Variants in ACVR1B observed in about 807,000 individuals in gnomAD.
The protein encoded by ACVR1B is activin A receptor type 1B.
In ACVR1B, 15 loss-of-function variants were observed where a neutral mutation model predicts 55.6. That is an observed-to-expected ratio of 0.27 (90% confidence interval 0.18 to 0.42). The LOEUF is 0.42. ACVR1B is among the 10% of genes least tolerant of loss of function. The probability of loss-of-function intolerance (pLI) is 1.00; values close to 1 mark genes in which losing one functional copy is unlikely to be tolerated. For synonymous variants in ACVR1B, 247 were observed against 254.6 expected, an observed-to-expected ratio of 0.97 and a Z score of 0.28; for missense variants, 359 against 670.1, an observed-to-expected ratio of 0.54 and a Z score of 5.13.
intron 1 of ACVR1B, among the ~76,000 whole-genome samples, chr12:51,958,780 C>T (rs1200888178): frequency 6.6e-6 from 1 of 152,210 alleles, no homozygotes; most frequent in East Asian, 1.9e-4. Flanking sequence ...CTAATGCCGC[C>T]GCTGATGTGA....
intron 1 of ACVR1B, among the ~76,000 whole-genome samples, chr12:51,966,859 T>C (rs2120520993): frequency 6.6e-6 from 1 of 152,356 alleles, no homozygotes; most frequent in East Asian, 1.9e-4. Flanking sequence ...ATTTTAGGTA[T>C]GATAATGATA....
At chr12:51,953,520 A>T (rs902481241) in intron 1 of ACVR1B, 1 of 985,070 alleles carries the variant, frequency 1.0e-6, no homozygotes, top group African/African-American at 1.8e-5. Flanking sequence ...GATTTGCATG[A>T]ATAAGGATGT....
At chr12:51,973,237 T>G (rs1941779835) in intron 1 of ACVR1B, among the ~76,000 whole-genome samples, 1 of 152,238 alleles carries the variant, frequency 6.6e-6, no homozygotes, top group African/African-American at 2.4e-5. Context: ...GAAAGGCAAC[T>G]GTGGGTTTGG....
At chr12:51,990,311 GCTT>G (rs1942166578) in intron 7 of ACVR1B, among the ~76,000 whole-genome samples, 1 of 73,494 alleles carries the variant, frequency 1.4e-5, no homozygotes, top group Admixed American at 1.9e-4. Flanking sequence ...CAAATTTAGT[GCTT>G]TTTTTTTTTT....
chr12:51,953,594 T>TAAAA (rs11404836), intron 1 of ACVR1B: 4 of 744,078 alleles, frequency 5.4e-6, no homozygotes, highest in Non-Finnish European at 6.5e-6. Flanking sequence ...TACTGGGTAG[T>TAAAA]AAAAAAAAAA....
At position 51,980,952 on chromosome 12, in the gene ACVR1B, TA is replaced by T. The variant is rs1334570971; in HGVS notation, c.581-16del. The T allele has an allele frequency of 6.4e-7, 1 of 1,570,598 alleles. No individual in the cohort carries two copies. On this transcript the variant is annotated splice_polypyrimidine_tract_variant and intron_variant, in intron 3 of 8. Transcript: ENST00000257963. ...AAATTTGCAATGTCAGGTTTCTTCC[TA>T]TTCTTTGGTTCACAGGGTTACCCCT...
Position 51,994,398 on chromosome 12 carries a change from C to A in ACVR1B, c.*288C>A. On this transcript the variant is annotated 3_prime_UTR_variant, in exon 9 of 9. Transcript: ENST00000257963. This position sits in a 1 kb window ranked among gnomAD's most constrained non-coding sequence, Gnocchi z 4.2. ...GTTGTAGTGGGAAGTCCCGCGAAAC[C>A]CGGTGCATCTGGCACGTGGCCAGGA... 2.8e-6 allele frequency: 1 copy of A among 360,358 alleles called. No individual in the cohort carries two copies. Among genetic ancestry groups the A allele is most frequent in the Non-Finnish European group, 5.1e-6 (1 of 194,852 alleles). The allele number at this position is 360,358 out of a possible 1,614,324, so 22.3% of individuals were successfully genotyped here.
chr12:51,975,638 A>G, intron 2 of ACVR1B, 134 bp downstream of exon 2: 1 of 1,273,788 alleles, frequency 7.9e-7, no homozygotes, highest in East Asian at 2.6e-5. Context: ...GAAGGTGACA[A>G]AGGCTGGGGT....
intron 1 of ACVR1B, among the ~76,000 whole-genome samples, chr12:51,954,705 A>G (rs1941376000): frequency 1.3e-5 from 2 of 152,240 alleles, no homozygotes; most frequent in African/African-American, 4.8e-5. Flanking sequence ...TGAACAAGTA[A>G]CTTAACCTTT....
rs71443237 is a variant in ACVR1B, at chr12:51,977,607, CTTTTTT to C, written c.580+1048_580+1053del. ...TTTTTGTGACAATGGTATTGCATTCCTTTTTTTTTTTTTTTTTTTTTGTTTTAAGAT... is the reference window on the plus strand; with the variant it reads ...TTTTTGTGACAATGGTATTGCATTCCTTTTTTTTTTTTTTTGTTTTAAGAT... On this transcript the variant is annotated intron_variant, in intron 3 of 8. Transcript: ENST00000257963. 8.9e-5 allele frequency among the ~76,000 whole-genome samples: 11 copies of C among 122,982 alleles called. No individual in the cohort carries two copies. The East Asian group carries it at 2.1e-3, about 24-fold the overall frequency. The allele number at this position is 122,982 out of a possible 152,430, so 80.7% of individuals were successfully genotyped here. A position where few individuals can be genotyped will look rare whatever the true frequency, so the allele number is the denominator to read the frequency against.
At position 51,993,973 on chromosome 12, in the gene ACVR1B, G is replaced by T; in HGVS notation, c.1393-12G>T. On this transcript the variant is annotated splice_polypyrimidine_tract_variant and intron_variant, in intron 8 of 8. Coordinates refer to ENST00000257963, the MANE Select transcript of ACVR1B (RefSeq NM_004302.5). ...GCATGACCGAGCTGATGGCTCCTGG[G>T]TCTCTGCACAGGCACTGCGGGTGAT... 1.2e-6 allele frequency: 2 copies of T among 1,613,716 alleles called. No homozygotes were observed. Among genetic ancestry groups the T allele is most frequent in the Non-Finnish European group, 8.5e-7 (1 of 1,179,972 alleles).
At chr12:51,993,108 T>G (rs1942225618) in intron 8 of ACVR1B, among the ~76,000 whole-genome samples, 1 of 152,234 alleles carries the variant, frequency 6.6e-6, no homozygotes. Context: ...AGTGAACACA[T>G]CTGTCACCTC....
intron 8 of ACVR1B, among the ~76,000 whole-genome samples, chr12:51,992,915 G>A (rs898141651): frequency 6.6e-6 from 1 of 152,226 alleles, no homozygotes; most frequent in Non-Finnish European, 1.5e-5. Flanking sequence ...GAGTGTTCAG[G>A]GGAACAGGCT....
intron 3 of ACVR1B, among the ~76,000 whole-genome samples, chr12:51,977,607 C>CTTTT (rs71443237): frequency 1.2e-4 from 15 of 122,976 alleles, no homozygotes; most frequent in East Asian, 2.3e-4. Context: ...TATTGCATTC[C>CTTTT]TTTTTTTTTT....
At chr12:51,957,633 G>A (rs575162408) in intron 1 of ACVR1B, among the ~76,000 whole-genome samples, 7 of 152,016 alleles carry the variant, frequency 4.6e-5, no homozygotes, top group African/African-American at 9.7e-5. Context: ...TCAAATTCCT[G>A]GGCTCAAATT....
At chr12:51,963,607 T>C (rs1157045679) in intron 1 of ACVR1B, among the ~76,000 whole-genome samples, 1 of 152,260 alleles carries the variant, frequency 6.6e-6, no homozygotes, top group East Asian at 1.9e-4. Flanking sequence ...GAGTTTCATC[T>C]ATATTATAGC....
chr12:51,994,317 G>A lies in ACVR1B; in HGVS notation c.*207G>A. On this transcript the variant is annotated 3_prime_UTR_variant, in exon 9 of 9. Coordinates refer to ENST00000257963, the MANE Select transcript of ACVR1B (RefSeq NM_004302.5). This position sits in a 1 kb window ranked among gnomAD's most constrained non-coding sequence, Gnocchi z 4.2. ...CACCTTTTCTATTTACCTCCTAATG[G>A]CATGGAGACTCTGAGAGCGAATTGT... The A allele has an allele frequency of 1.7e-6, 1 of 576,316 alleles. No individual in the cohort carries two copies. The highest frequency in any genetic ancestry group is 3.0e-6 in the Non-Finnish European group (1 of 333,972). 35.7% of individuals were successfully genotyped at this position (576,316 alleles called of 1,614,324 possible).
intron 7 of ACVR1B, chr12:51,987,241 G>A (rs373405128): frequency 9.4e-6 from 6 of 636,100 alleles, no homozygotes; most frequent in Middle Eastern, 2.5e-4. Context: ...GCCCCGGTGC[G>A]CATAGCACGG....
chr12:51,986,976 C>T (rs1243842257), intron 7 of ACVR1B, 34 bp downstream of exon 7: 32 of 1,614,214 alleles, frequency 2.0e-5, no homozygotes, highest in Non-Finnish European at 2.6e-5. Flanking sequence ...TCCTACCTCC[C>T]ATTCCAGGAT....
Sources: gnomAD v4.1 joint callset for allele counts (sites outside exome capture counted in the v4.1 genomes callset) on GRCh38, gnomAD v4.1.1 for gene constraint, Gnocchi (gnomAD v3.1) non-coding constraint, MANE v1.5 for transcripts, NCBI Gene and HGNC (gene_info 2026-07-23, HGNC 2026-07-21) for gene names.